OXR1: variants seen among roughly 807,000 people sequenced by gnomAD.
OXR1 encodes oxidation resistance 1.
A neutral mutation model predicts 104.6 loss-of-function variants in OXR1; 41 were observed. The observed-to-expected ratio is 0.39, with a 90% CI of 0.31 to 0.51. The LOEUF is 0.51. OXR1 is among the 20% of genes least tolerant of loss of function. The pLI is 0.77. For missense variants in OXR1, 955 were observed against 1,031.9 expected, an observed-to-expected ratio of 0.93 and a Z score of 1.02; for synonymous variants, 348 against 348.4, an observed-to-expected ratio of 1.00 and a Z score of 0.01.
chr8:106,561,931 C>T (rs936375113), intron 3 of OXR1, among the ~76,000 whole-genome samples: 2 of 152,210 alleles, frequency 1.3e-5, no homozygotes, highest in South Asian at 4.1e-4. Context: ...GCATCAACAT[C>T]AACAAAAAGG....
At chr8:106,695,146 A>G (rs1370280462) in intron 7 of OXR1, among the ~76,000 whole-genome samples, 5 of 150,660 alleles carry the variant, frequency 3.3e-5, no homozygotes, top group African/African-American at 9.7e-5. Flanking sequence ...ATTCATTGTT[A>G]TTATTTTTGC....
intron 3 of OXR1, among the ~76,000 whole-genome samples, chr8:106,603,329 C>CT (rs1384334953): frequency 2.6e-5 from 4 of 152,104 alleles, no homozygotes; most frequent in Non-Finnish European, 4.4e-5. Flanking sequence ...TACAAATCAG[C>CT]TTTTTTCTAA....
chr8:106,597,729 TCCCCCTTAAGCGATC>T (rs1291973110), intron 3 of OXR1, among the ~76,000 whole-genome samples: 3 of 152,128 alleles, frequency 2.0e-5, no homozygotes, highest in Admixed American at 6.6e-5. Context: ...CTTAAGTCAC[TCCCCCTTAAGCGATC>T]CCACATTGCC....
At chr8:106,321,576 T>A (rs1814219765) in intron 1 of OXR1, among the ~76,000 whole-genome samples, 1 of 152,164 alleles carries the variant, frequency 6.6e-6, no homozygotes, top group African/African-American at 2.4e-5. Flanking sequence ...GTAAAGATGT[T>A]GAGTGAGCAG....
chr8:106,478,053 G>A (rs1410942409), intron 2 of OXR1, among the ~76,000 whole-genome samples: 1 of 151,822 alleles, frequency 6.6e-6, no homozygotes, highest in Non-Finnish European at 1.5e-5. Context: ...CCTTCCATAT[G>A]ATTGATACAA....
intron 3 of OXR1, among the ~76,000 whole-genome samples, chr8:106,672,880 G>C (rs1388334116): frequency 1.3e-5 from 2 of 152,112 alleles, no homozygotes; most frequent in Admixed American, 6.5e-5. Flanking sequence ...TTTGCTTTCT[G>C]CTATGATTGT....
chr8:106,722,539 T>G (rs1832907121), intron 11 of OXR1, among the ~76,000 whole-genome samples: 1 of 152,176 alleles, frequency 6.6e-6, no homozygotes, highest in African/African-American at 2.4e-5. Context: ...AGCTGTCTCT[T>G]AGTGATGTCA....
intron 12 of OXR1, among the ~76,000 whole-genome samples, chr8:106,737,922 AAAC>A (rs1338480746): frequency 6.6e-6 from 1 of 152,184 alleles, no homozygotes; most frequent in African/African-American, 2.4e-5. Context: ...AATCTTTTCT[AAAC>A]AAAATCTGAA....
intron 3 of OXR1, among the ~76,000 whole-genome samples, chr8:106,547,379 T>C (rs559999781): frequency 1.6e-4 from 24 of 152,296 alleles, no homozygotes; most frequent in Admixed American, 5.9e-4. Context: ...AGGTACCTCA[T>C]AGAAGTGGAC....
intron 3 of OXR1, among the ~76,000 whole-genome samples, chr8:106,549,368 G>A (rs1458140234): frequency 7.9e-5 from 12 of 151,872 alleles, no homozygotes; most frequent in Non-Finnish European, 1.5e-4. Flanking sequence ...AGACATATAG[G>A]AAATAGTCAG....
At chr8:106,361,098 G>T (rs991664793) in intron 2 of OXR1, among the ~76,000 whole-genome samples, 1 of 152,156 alleles carries the variant, frequency 6.6e-6, no homozygotes, top group African/African-American at 2.4e-5. Context: ...AGTGAACTCC[G>T]CAAAGAGAGA....
intron 1 of OXR1, 113 bp downstream of exon 1, chr8:106,270,480 C>T (rs1811749137): frequency 6.6e-6 from 1 of 152,562 alleles, no homozygotes; most frequent in African/African-American, 2.4e-5. Flanking sequence ...GCCTCTGCCC[C>T]CTGTGCCTGG....
intron 3 of OXR1, among the ~76,000 whole-genome samples, chr8:106,555,380 A>G (rs909205373): frequency 6.6e-6 from 1 of 152,124 alleles, no homozygotes; most frequent in Non-Finnish European, 1.5e-5. Context: ...TTCAGGGAGG[A>G]TAGTATTTTA....
intron 1 of OXR1, among the ~76,000 whole-genome samples, chr8:106,298,267 T>G (rs1046167432): frequency 6.6e-6 from 1 of 152,194 alleles, no homozygotes; most frequent in Non-Finnish European, 1.5e-5. Flanking sequence ...CAGATCCACA[T>G]GGCTAGAGAG....
At chr8:106,358,034 A>G (rs182200161) in intron 1 of OXR1, among the ~76,000 whole-genome samples, 1 of 152,318 alleles carries the variant, frequency 6.6e-6, no homozygotes, top group East Asian at 1.9e-4. Flanking sequence ...GTGGCCAAGT[A>G]TCTAAACTCA....
chr8:106,721,135 CTTG>C (rs1008652186), intron 11 of OXR1, among the ~76,000 whole-genome samples: 6 of 151,848 alleles, frequency 4.0e-5, no homozygotes, highest in Non-Finnish European at 5.9e-5. Flanking sequence ...AGTCTTGCTG[CTTG>C]ACCACACAGG....
intron 7 of OXR1, among the ~76,000 whole-genome samples, chr8:106,700,108 G>A (rs1392412485): frequency 3.9e-5 from 6 of 151,994 alleles, no homozygotes; most frequent in East Asian, 3.9e-4. Context: ...GTAATTGCAC[G>A]TAAGGAAATG....
At chr8:106,630,032 C>T (rs949452185) in intron 3 of OXR1, among the ~76,000 whole-genome samples, 1 of 152,202 alleles carries the variant, frequency 6.6e-6, no homozygotes, top group African/African-American at 2.4e-5. Context: ...ATTAAAATCT[C>T]ACCAATTTAC....
chr8:106,694,776 T>TATATATATTTAATATATATTTATATATTA lies in OXR1; in HGVS notation c.675+1900_675+1901insTATATATTTAATATATATTTATATATTAA, dbSNP rs1563716740. Among the ~76,000 whole-genome samples the TATATATATTTAATATATATTTATATATTA allele has an allele frequency of 1.8e-4, 20 of 111,072 alleles. 1 individual carries two copies. Among genetic ancestry groups the TATATATATTTAATATATATTTATATATTA allele is most frequent in the African/African-American group, 4.5e-4 (13 of 28,762 alleles). The allele number at this position is 111,072 out of a possible 152,430, so 72.9% of individuals were successfully genotyped here. A position where few individuals can be genotyped will look rare whatever the true frequency, so the allele number is the denominator to read the frequency against. ...TTAATATATATATTTAATAGATAAATACATATATATTTAATAGATAAATAC... is the reference window on the plus strand; with the variant it reads ...TTAATATATATATTTAATAGATAAATATATATATTTAATATATATTTATATATTAACATATATATTTAATAGATAAATAC... On this transcript the variant is annotated intron_variant, in intron 7 of 16. Transcript: ENST00000517566.
Sources: allele counts gnomAD v4.1 joint callset (sites outside exome capture counted in the v4.1 genomes callset), GRCh38; gene constraint gnomAD v4.1.1; transcripts MANE v1.5; gene names NCBI Gene and HGNC (gene_info 2026-07-23, HGNC 2026-07-21).